TRAP1: variants seen among roughly 807,000 people sequenced by gnomAD.
TRAP1 encodes heat shock protein 75 kDa, mitochondrial.
Under a neutral mutation model 89.1 loss-of-function variants are expected in TRAP1, and 102 were observed. That is an observed-to-expected ratio of 1.15 (90% confidence interval 0.98 to 1.35). The LOEUF (loss-of-function observed/expected upper bound fraction) is 1.35. Among genes scored for constraint, TRAP1 ranks in the 40% most tolerant of loss-of-function variants. The pLI is 0.00. For synonymous variants in TRAP1, 508 were observed against 388.0 expected (o/e 1.31, Z -3.64); for missense variants, 1,256 against 945.3 (o/e 1.33, Z -4.31).
intron 11 of TRAP1, among the ~76,000 whole-genome samples, chr16:3,669,660 C>A (rs1180949358): frequency 6.6e-6 from 1 of 151,562 alleles, no homozygotes; most frequent in Non-Finnish European, 1.5e-5. Flanking sequence ...CAGTGAAACC[C>A]TGTCTCTACT....
intron 1 of TRAP1, chr16:3,710,552 T>C (rs952398400): frequency 9.2e-5 from 14 of 152,268 alleles, no homozygotes; most frequent in Non-Finnish European, 1.5e-4. Flanking sequence ...TGATGGAGTG[T>C]TCTAGAAAGA....
intron 16 of TRAP1, chr16:3,660,632 A>G (rs1052869848): frequency 3.9e-5 from 6 of 152,260 alleles, no homozygotes; most frequent in African/African-American, 1.2e-4. Flanking sequence ...GTGCACTGAC[A>G]GCCATAAGCC....
intron 1 of TRAP1, among the ~76,000 whole-genome samples, chr16:3,714,502 T>C (rs973045167): frequency 6.6e-6 from 1 of 152,008 alleles, no homozygotes; most frequent in African/African-American, 2.4e-5. Context: ...CTATTAAAAA[T>C]ACAAAACCTA....
chr16:3,708,695 A>C (rs927731259), intron 1 of TRAP1, among the ~76,000 whole-genome samples: 4 of 151,460 alleles, frequency 2.6e-5, no homozygotes, highest in African/African-American at 9.7e-5. Flanking sequence ...GCGTGCCTGT[A>C]ATCCCGGCTA....
intron 1 of TRAP1, among the ~76,000 whole-genome samples, chr16:3,694,769 T>C (rs1179853525): frequency 6.6e-6 from 1 of 152,192 alleles, no homozygotes; most frequent in Admixed American, 6.6e-5. Context: ...TGAGCCACTG[T>C]ACCCGGCCTT....
chr16:3,699,662 T>C (rs2051338992), intron 1 of TRAP1, among the ~76,000 whole-genome samples: 1 of 150,424 alleles, frequency 6.6e-6, no homozygotes, highest in African/African-American at 2.4e-5. Context: ...GATTTATTCA[T>C]GTATTTACTA....
chr16:3,699,516 C>T (rs1248809469), intron 1 of TRAP1, among the ~76,000 whole-genome samples: 1 of 151,582 alleles, frequency 6.6e-6, no homozygotes, highest in Non-Finnish European at 1.5e-5. Context: ...ATCCCCGCTA[C>T]TCGGGAGGCT....
chr16:3,662,685 A>G, intron 15 of TRAP1, 197 bp downstream of exon 15: 1 of 696,544 alleles, frequency 1.4e-6, no homozygotes, highest in Non-Finnish European at 2.6e-6. Flanking sequence ...GCTGGGAGAA[A>G]GACACGGCCT....
intron 1 of TRAP1, among the ~76,000 whole-genome samples, chr16:3,707,272 G>A (rs1357745241): frequency 1.6e-4 from 23 of 142,946 alleles, no homozygotes; most frequent in African/African-American, 7.9e-5. Context: ...TGCAAGCTCC[G>A]CCTCCCGGGT....
At chr16:3,709,227 CAAAAA>C (rs58859365) in intron 1 of TRAP1, among the ~76,000 whole-genome samples, 1 of 82,396 alleles carries the variant, frequency 1.2e-5, no homozygotes, top group East Asian at 3.1e-4. Context: ...AACTCCATCT[CAAAAA>C]AAAAAAAAAA....
Position 3,690,435 on chromosome 16 carries a change from C to T in TRAP1, c.247+392G>A, listed in dbSNP as rs145770287. On this transcript the variant is annotated intron_variant, in intron 2 of 17. Transcript: ENST00000246957. ...CACTTAAAAGCCAGAAATGGAGCCA[C>T]TTCAGGACTGGCTCCAAAGACTGCT... 2.1e-3 allele frequency among the ~76,000 whole-genome samples: 327 copies of T among 152,332 alleles called. 3 individuals carry two copies. Among genetic ancestry groups the T allele is most frequent in the Middle Eastern group, 0.01 (3 of 294 alleles).
chr16:3,672,027 C>G (rs1244288906), intron 10 of TRAP1, among the ~76,000 whole-genome samples: 1 of 152,208 alleles, frequency 6.6e-6, no homozygotes, highest in Non-Finnish European at 1.5e-5. Flanking sequence ...AAATGACAGC[C>G]TGGGCTTTAT....
intron 16 of TRAP1, chr16:3,661,659 A>G (rs953188498): frequency 3.5e-6 from 1 of 282,586 alleles, no homozygotes; most frequent in Non-Finnish European, 6.6e-6. Context: ...ACTTCAGCAA[A>G]CACCAAGATC....
At position 3,682,307 on chromosome 16, in the gene TRAP1, T is replaced by G. The variant is rs189451912; in HGVS notation, c.472-2517A>C. ...AGCTCACATCTGTAATCCCAGCACT[T>G]TGGAAGGTCAAGGTGGGAAAATTGC... On this transcript the variant is annotated intron_variant, in intron 4 of 17. Coordinates refer to ENST00000246957, the MANE Select transcript of TRAP1 (RefSeq NM_016292.3). Among the ~76,000 whole-genome samples, 576 of 151,678 alleles carry G rather than the reference T, an allele frequency of 3.8e-3. 3 individuals carry two copies. Among genetic ancestry groups the G allele is most frequent in the African/African-American group, 0.013 (548 of 41,300 alleles).
At chr16:3,674,539 C>T (rs749391631) in intron 8 of TRAP1, 45 bp from the exon 9 acceptor site, 37 of 1,600,440 alleles carry the variant, frequency 2.3e-5, no homozygotes, top group Middle Eastern at 3.4e-4. Context: ...TCACCACGCA[C>T]GTCTTCTCCA....
At chr16:3,662,194 T>A (rs867005175) in intron 15 of TRAP1, 62 bp from the exon 16 acceptor site, 1 of 1,567,214 alleles carries the variant, frequency 6.4e-7, no homozygotes, top group African/African-American at 1.3e-5. Context: ...GCTGGCAGGA[T>A]CTTACCAGGG....
At chr16:3,678,015 G>T (rs914990371) in intron 5 of TRAP1, 3 of 224,090 alleles carry the variant, frequency 1.3e-5, no homozygotes, top group Middle Eastern at 1.6e-3. Context: ...AAGGCCAGGA[G>T]TGAGGAGAGG....
At chr16:3,706,043 A>G (rs1275955303) in intron 1 of TRAP1, among the ~76,000 whole-genome samples, 4 of 145,568 alleles carry the variant, frequency 2.7e-5, no homozygotes, top group Non-Finnish European at 6.0e-5. Flanking sequence ...GCAGTGGTGT[A>G]ATCTCCGCTC....
At chr16:3,674,765 C>T (rs1262795731) in intron 8 of TRAP1, 9 of 513,490 alleles carry the variant, frequency 1.8e-5, no homozygotes, top group African/African-American at 1.2e-4. Flanking sequence ...GAGAGGATGA[C>T]GCTGCCCAGC....
Sources: gnomAD v4.1 joint callset for allele counts (sites outside exome capture counted in the v4.1 genomes callset) on GRCh38, gnomAD v4.1.1 for gene constraint, MANE v1.5 for transcripts, NCBI Gene and HGNC (gene_info 2026-07-23, HGNC 2026-07-21) for gene names.